Variants in PPP1R12B observed in about 807,000 individuals in gnomAD.
PPP1R12B encodes the protein protein phosphatase 1 regulatory subunit 12B.
Under a neutral mutation model 126.1 loss-of-function variants are expected in PPP1R12B, and 76 were observed. The observed-to-expected ratio is 0.60, with a 90% confidence interval of 0.50 to 0.73. The LOEUF (loss-of-function observed/expected upper bound fraction) is 0.73. Ranked by LOEUF, PPP1R12B falls within the 30% of genes least tolerant of loss-of-function variation. PPP1R12B has a pLI of 0.00. For missense variants in PPP1R12B, 1,052 were observed against 1,205.1 expected (o/e 0.87, Z 1.88); for synonymous variants, 356 against 434.7 (o/e 0.82, Z 2.25).
intron 1 of PPP1R12B, among the ~76,000 whole-genome samples, chr1:202,367,933 A>T (rs975257573): frequency 6.6e-6 from 1 of 151,718 alleles, no homozygotes; most frequent in South Asian, 2.1e-4. Context: ...GCTGTTCTCA[A>T]GATAGTGAGT....
chr1:202,500,788 T>A (rs1680141829), intron 18 of PPP1R12B, among the ~76,000 whole-genome samples: 1 of 152,250 alleles, frequency 6.6e-6, no homozygotes, highest in Non-Finnish European at 1.5e-5. Flanking sequence ...GATTTGATCA[T>A]TACATATTGC....
intron 18 of PPP1R12B, among the ~76,000 whole-genome samples, chr1:202,504,159 C>T (rs1680555378): frequency 1.3e-5 from 2 of 152,088 alleles, no homozygotes; most frequent in African/African-American, 4.8e-5. Flanking sequence ...CTTTAGGAGG[C>T]CGAGGCAGAT....
In PPP1R12B at chr1:202,371,027, A is replaced by G. The variant is rs907265573; in HGVS notation, c.291+21885A>G. Among the ~76,000 whole-genome samples the G allele has an allele frequency of 4.8e-5, 5 of 103,456 alleles. 1 individual carries two copies. The highest frequency in any genetic ancestry group is 3.7e-4 in the Admixed American group (3 of 8,162). 67.9% of individuals were successfully genotyped at this position (103,456 alleles called of 152,430 possible). A position where few individuals can be genotyped will look rare whatever the true frequency, so the allele number is the denominator to read the frequency against. On this transcript the variant is annotated intron_variant, in intron 1 of 23. Transcript: ENST00000608999. ...TTTTTTTTTTTTTTTTTTTTTTGAG[A>G]TAGAGTCTCTCTCTGTCTCACTCTG... is the stretch of plus-strand genomic sequence containing the variant.
At position 202,508,057 on chromosome 1, in the gene PPP1R12B, A is replaced by T. The variant is rs1681020086; in HGVS notation, c.2490+11235A>T. ...TTTGGTAGAATCTCAAAGGTAGGAT[A>T]GTAGGACTACCTATCCCAAGCTGTA... On this transcript the variant is annotated intron_variant, in intron 18 of 23. Coordinates refer to ENST00000608999, the MANE Select transcript of PPP1R12B (RefSeq NM_002481.4). The surrounding 1 kb of genome is among the most constrained non-coding windows in gnomAD (Gnocchi z 4.5). 6.6e-6 allele frequency among the ~76,000 whole-genome samples: 1 copy of T among 152,242 alleles called. No individual in the cohort carries two copies. Among genetic ancestry groups the T allele is most frequent in the Admixed American group, 6.5e-5 (1 of 15,288 alleles).
At chr1:202,474,818 G>A (rs1393765142) in intron 13 of PPP1R12B, among the ~76,000 whole-genome samples, 1 of 152,062 alleles carries the variant, frequency 6.6e-6, no homozygotes, top group East Asian at 1.9e-4. Context: ...GTGACTAGTG[G>A]CAACCATATT....
At chr1:202,566,128 C>T (rs1403388798) in intron 21 of PPP1R12B, among the ~76,000 whole-genome samples, 1 of 152,220 alleles carries the variant, frequency 6.6e-6, no homozygotes, top group African/African-American at 2.4e-5. Context: ...AAGCTTCTGA[C>T]AGCATATGTC....
chr1:202,451,843 G>A (rs559558928), intron 13 of PPP1R12B, among the ~76,000 whole-genome samples: 3 of 151,506 alleles, frequency 2.0e-5, no homozygotes, highest in African/African-American at 4.9e-5. Flanking sequence ...GGCCTGGTGG[G>A]GGCTGACCCC....
intron 23 of PPP1R12B, chr1:202,576,139 C>A (rs1177290470): frequency 6.6e-6 from 1 of 152,224 alleles, no homozygotes; most frequent in African/African-American, 2.4e-5. Context: ...TGGAGCCAGG[C>A]CCTCTCTAAT....
At chr1:202,548,758 C>T (rs866644894) in intron 18 of PPP1R12B, among the ~76,000 whole-genome samples, 2 of 145,284 alleles carry the variant, frequency 1.4e-5, no homozygotes, top group Admixed American at 7.2e-5. Flanking sequence ...TGATCATGCG[C>T]TCGCTCACTC....
chr1:202,567,911 T>C, intron 22 of PPP1R12B, 80 bp downstream of exon 22: 4 of 1,520,040 alleles, frequency 2.6e-6, no homozygotes, highest in Non-Finnish European at 3.6e-6. Flanking sequence ...TTCATGCCAA[T>C]GGAAAAAGTC....
chr1:202,520,259 G>A (rs1682631635), intron 18 of PPP1R12B, among the ~76,000 whole-genome samples: 1 of 152,230 alleles, frequency 6.6e-6, no homozygotes, highest in South Asian at 2.1e-4. Flanking sequence ...AGCCTAAGCT[G>A]TACAATGACT....
chr1:202,457,424 G>A (rs1281869285), intron 13 of PPP1R12B, among the ~76,000 whole-genome samples: 1 of 151,820 alleles, frequency 6.6e-6, no homozygotes, highest in Non-Finnish European at 1.5e-5. Flanking sequence ...ATGGTGGCAC[G>A]TGCCTGTAAT....
At chr1:202,382,113 G>A (rs1178330045) in intron 1 of PPP1R12B, among the ~76,000 whole-genome samples, 1 of 152,132 alleles carries the variant, frequency 6.6e-6, no homozygotes, top group Non-Finnish European at 1.5e-5. Flanking sequence ...ATGAGTTCAT[G>A]TCCTTTGTAG....
At position 202,422,616 on chromosome 1, in the gene PPP1R12B, G is replaced by T. The variant is rs769004987; in HGVS notation, c.423-4G>T. The T allele has an allele frequency of 3.2e-5, 51 of 1,611,970 alleles. No individual in the cohort carries two copies. Among genetic ancestry groups the T allele is most frequent in the Non-Finnish European group, 4.2e-5 (50 of 1,178,360 alleles). On this transcript the variant is annotated splice_region_variant and splice_polypyrimidine_tract_variant and intron_variant, in intron 2 of 23. Coordinates refer to ENST00000608999, the MANE Select transcript of PPP1R12B (RefSeq NM_002481.4). The stretch of plus-strand genomic sequence containing the variant: ...AATATTGATCCTGGATCTTGTCTAC[G>T]CAGGTATTTCATTAATCACGGAGCC...
At chr1:202,375,654 G>C (rs973397587) in intron 1 of PPP1R12B, among the ~76,000 whole-genome samples, 10 of 152,178 alleles carry the variant, frequency 6.6e-5, no homozygotes, top group Non-Finnish European at 1.0e-4. Flanking sequence ...ACTTCAAACT[G>C]CTGGGCTCAA....
In PPP1R12B at chr1:202,427,336, G is replaced by A. The variant is rs2843416; in HGVS notation, c.846+152G>A. 3 of 1,100,794 alleles carry A rather than the reference G, an allele frequency of 2.7e-6. No homozygotes were observed. The East Asian group carries it at 7.8e-5, about 29-fold the overall frequency. The allele number at this position is 1,100,794 out of a possible 1,614,324, so 68.2% of individuals were successfully genotyped here. ...GTTACCCTCCACCACCCTGCCTCTG[G>A]CCCTATTAACACAGAGTTATGTTTG... On this transcript the variant is annotated intron_variant, in intron 5 of 23. Transcript: ENST00000608999.
chr1:202,438,955 C>A, intron 10 of PPP1R12B: 1 of 1,534,574 alleles, frequency 6.5e-7, no homozygotes. Context: ...ACTGGCCTGA[C>A]CTGGAGATGC....
intron 18 of PPP1R12B, among the ~76,000 whole-genome samples, chr1:202,526,480 G>A (rs1042135737): frequency 1.2e-4 from 19 of 152,176 alleles, no homozygotes; most frequent in African/African-American, 4.1e-4. Flanking sequence ...GCCACATTTA[G>A]TTGCACAGGT....
chr1:202,567,863 ATTTCATCTC>A lies in PPP1R12B; in HGVS notation c.2811+35_2811+43del, dbSNP rs2149025395. Reference sequence around the variant, plus strand: ...GCATGTCTGTTTCCCCCTCCACCCCATTTCATCTCTTCTTTCTGACTCTCTCCCACTTTG... The same window carrying A: ...GCATGTCTGTTTCCCCCTCCACCCCATTCTTTCTGACTCTCTCCCACTTTG... On this transcript the variant is annotated intron_variant, in intron 22 of 23. Coordinates refer to ENST00000608999, the MANE Select transcript of PPP1R12B (RefSeq NM_002481.4). 7 of 1,608,482 alleles carry A rather than the reference ATTTCATCTC, an allele frequency of 4.4e-6. No individual in the cohort carries two copies. The East Asian group carries it at 1.3e-4, about 31-fold the overall frequency.
Sources: gnomAD v4.1 joint callset for allele counts (sites outside exome capture counted in the v4.1 genomes callset) on GRCh38, gnomAD v4.1.1 for gene constraint, Gnocchi (gnomAD v3.1) non-coding constraint, MANE v1.5 for transcripts, NCBI Gene and HGNC (gene_info 2026-07-23, HGNC 2026-07-21) for gene names.